Variants in ART4 observed in about 807,000 individuals in gnomAD.
ART4 encodes the protein ADP-ribosyltransferase 4 (inactive) (Dombrock blood group).
ART4 carries 14 observed loss-of-function variants against 24.2 expected under a neutral mutation model. That is an observed-to-expected ratio of 0.58 (90% CI 0.38 to 0.90). ART4 has a LOEUF of 0.90. Among genes scored for constraint, ART4 ranks in the 40% least tolerant of loss-of-function variants. ART4 has a pLI of 0.00. For missense variants in ART4, 356 were observed against 366.6 expected, an observed-to-expected ratio of 0.97 and a Z score of 0.24; for synonymous variants, 145 against 139.9, an observed-to-expected ratio of 1.04 and a Z score of -0.26.
In ART4 at chr12:14,841,041, T is replaced by A; in HGVS notation, c.257A>T (p.Asp86Val). The change falls in exon 2 of 3, where the codon GAC becomes GTC. Residue 86 changes from aspartate to valine, a missense_variant. Asp to Val is a radical substitution (Grantham distance 152). Transcript: ENST00000228936. ...KLTQGDYFTK[D>V]IEAQKNYFRM... is the part of the protein sequence containing the mutation. Reference sequence around the variant, plus strand: ...AAAATAATTCTTCTGGGCTTCTATGTCTTTTGTGAAATAATCCCCTTGAGT... The same window carrying A: ...AAAATAATTCTTCTGGGCTTCTATGACTTTTGTGAAATAATCCCCTTGAGT... The A allele has an allele frequency of 1.9e-6, 3 of 1,614,232 alleles. No homozygotes were observed. The highest frequency in any genetic ancestry group is 2.5e-6 in the Non-Finnish European group (3 of 1,180,036).
chr12:14,841,708 C>T (rs945255279), intron 1 of ART4, among the ~76,000 whole-genome samples: 1 of 152,154 alleles, frequency 6.6e-6, no homozygotes, highest in African/African-American at 2.4e-5. Context: ...TATCTGTTTT[C>T]TTACTGAAAA....
At chr12:14,842,084 TGTTTATTCAC>T (rs1320368374) in intron 1 of ART4, among the ~76,000 whole-genome samples, 2 of 152,250 alleles carry the variant, frequency 1.3e-5, no homozygotes, top group African/African-American at 4.8e-5. Flanking sequence ...AACAGAATGT[TGTTTATTCAC>T]GTCTAGTGCA....
At chr12:14,829,600 AT>A in intron 2 of ART4, 138 bp from the exon 3 acceptor site, 1 of 600,636 alleles carries the variant, frequency 1.7e-6, no homozygotes, top group Non-Finnish European at 2.8e-6. Flanking sequence ...AAAACACATT[AT>A]TTTAGATTTT....
At chr12:14,830,353 T>C (rs1950385975) in intron 2 of ART4, among the ~76,000 whole-genome samples, 1 of 151,748 alleles carries the variant, frequency 6.6e-6, no homozygotes, top group Non-Finnish European at 1.5e-5. Context: ...TGGAATCTCT[T>C]TGCAGCCAGT....
At chr12:14,841,470 G>A (rs1042073742) in intron 1 of ART4, among the ~76,000 whole-genome samples, 11 of 152,180 alleles carry the variant, frequency 7.2e-5, no homozygotes, top group Non-Finnish European at 1.5e-4. Context: ...TCAAAATCTT[G>A]TAGTTTAATT....
rs144350521 is a variant in ART4 at position 14,840,941 on chromosome 12, G to C, written c.357C>G (p.His119Gln). 5 of 1,614,214 alleles carry C rather than the reference G, an allele frequency of 3.1e-6. No homozygotes were observed. In the South Asian group the frequency reaches 3.3e-5, roughly 11 times the overall value. Residue 119 changes from histidine to glutamine, a missense_variant, in exon 2 of 3, where the codon CAC becomes CAG. Transcript: ENST00000228936. Reference protein sequence around the residue: ...KVLPQNMTTTHAVAILFYTLN... With the variant: ...KVLPQNMTTTQAVAILFYTLN... ...ATGTATAAAACAAAATAGCCACAGC[G>C]TGTGTGGTAGTCATGTTCTGGGGTA...
Position 14,827,350 on chromosome 12 carries a change from C to T in ART4, c.*2021G>A, listed in dbSNP as rs925848857. On this transcript the variant is annotated 3_prime_UTR_variant, in exon 3 of 3. Transcript: ENST00000228936. ...CTCTACTAGGTAGCCACCAAACTGC[C>T]AAAGACCCTATCCTATGCAAGTCAC... is the stretch of plus-strand genomic sequence containing the variant. 22 of 152,178 alleles carry T rather than the reference C, an allele frequency of 1.4e-4. No homozygotes were observed. The highest frequency in any genetic ancestry group is 4.8e-4 in the African/African-American group (20 of 41,436). The allele number at this position is 152,178 out of a possible 1,614,324, so 9.4% of individuals were successfully genotyped here.
chr12:14,838,346 ATCT>A (rs2137302752), intron 2 of ART4, among the ~76,000 whole-genome samples: 1 of 152,212 alleles, frequency 6.6e-6, no homozygotes, highest in East Asian at 1.9e-4. Context: ...CTTAATATAA[ATCT>A]TCTGTAATTT....
rs1376660014 is a variant in ART4, at chr12:14,830,194, A to G, written c.854-732T>C. Among the ~76,000 whole-genome samples, 3 of 150,462 alleles carry G rather than the reference A, an allele frequency of 2.0e-5. No individual in the cohort carries two copies. The East Asian group carries it at 6.0e-4, about 30-fold the overall frequency. On this transcript the variant is annotated intron_variant, in intron 2 of 2. Coordinates refer to ENST00000228936, the MANE Select transcript of ART4 (RefSeq NM_021071.4). ...ATACACCTTTCACAGGAAATGTGGG[A>G]CAGGTTAGCAGCCAGTTAGGTGTGG...
rs145726320 is a variant in ART4 at position 14,842,909 on chromosome 12, G to C, written c.144+61C>G. On this transcript the variant is annotated intron_variant, in intron 1 of 2. Transcript: ENST00000228936. ...TTTCGGCCATTTAAAGGCTGTGGCCGGGTGAATGCTCTGTTGGAGCACTGA... is the reference window on the plus strand; with the variant it reads ...TTTCGGCCATTTAAAGGCTGTGGCCCGGTGAATGCTCTGTTGGAGCACTGA... 3.7e-3 allele frequency: 5,643 copies of C among 1,527,140 alleles called. 131 individuals are homozygous for C. The South Asian group carries it at 0.039, about 11-fold the overall frequency. 94.6% of individuals were successfully genotyped at this position (1,527,140 alleles called of 1,614,324 possible). A position where few individuals can be genotyped will look rare whatever the true frequency, so the allele number is the denominator to read the frequency against.
At position 14,843,370 on chromosome 12, in the gene ART4, C is replaced by A; in HGVS notation, c.-257G>T. ...CAAATAAGGGTTTCTAAAGAGAACC[C>A]AAGTTACTTTTCAATTAAAAAAATA... On this transcript the variant is annotated 5_prime_UTR_variant, in exon 1 of 3. Transcript: ENST00000228936. 1 of 358,198 alleles carries A rather than the reference C, an allele frequency of 2.8e-6. No homozygotes were observed. Among genetic ancestry groups the A allele is most frequent in the Non-Finnish European group, 5.2e-6 (1 of 192,920 alleles). 22.2% of individuals were successfully genotyped at this position (358,198 alleles called of 1,614,324 possible). A position where few individuals can be genotyped will look rare whatever the true frequency, so the allele number is the denominator to read the frequency against.
At chr12:14,832,052 C>A (rs983645790) in intron 2 of ART4, among the ~76,000 whole-genome samples, 2 of 152,032 alleles carry the variant, frequency 1.3e-5, no homozygotes, top group Non-Finnish European at 2.9e-5. Flanking sequence ...ATTGAAATAG[C>A]CCCCTACTTG....
intron 2 of ART4, among the ~76,000 whole-genome samples, chr12:14,839,141 ACTT>A (rs1317405283): frequency 6.6e-6 from 1 of 152,136 alleles, no homozygotes; most frequent in East Asian, 1.9e-4. Context: ...ACTTCTAATT[ACTT>A]CTTATTACCT....
intron 2 of ART4, among the ~76,000 whole-genome samples, chr12:14,830,067 T>C (rs80122014): frequency 1.3e-5 from 2 of 151,928 alleles, no homozygotes; most frequent in East Asian, 3.9e-4. Flanking sequence ...TGTCCATCCA[T>C]AGAATTTTTC....
chr12:14,834,846 C>A (rs1339717589), intron 2 of ART4, among the ~76,000 whole-genome samples: 2 of 152,162 alleles, frequency 1.3e-5, no homozygotes, highest in Non-Finnish European at 1.5e-5. Context: ...ACAATTTTTC[C>A]TTTTGCAAAT....
Position 14,840,531 on chromosome 12 carries a change from A to G in ART4, c.767T>C (p.Ile256Thr), listed in dbSNP as rs1950460511. 6.2e-7 allele frequency: 1 copy of G among 1,614,178 alleles called. No homozygotes were observed. The highest frequency in any genetic ancestry group is 8.5e-7 in the Non-Finnish European group (1 of 1,180,026). Reference sequence around the variant, plus strand: ...TCCTCTTGGGTGGTAGCTCATATTTATAACTTTAAACAGCTCATAGGGAGG... The same window carrying G: ...TCCTCTTGGGTGGTAGCTCATATTTGTAACTTTAAACAGCTCATAGGGAGG... ...LIPPYELFKV[I>T]NMSYHPRGDW... The change falls in exon 2 of 3, where the codon ATA becomes ACA. Residue 256 changes from isoleucine to threonine, a missense_variant. Ile to Thr is a moderately conservative substitution (Grantham distance 89, BLOSUM62 -1). Transcript: ENST00000228936.
At chr12:14,838,545 C>A (rs1274959311) in intron 2 of ART4, among the ~76,000 whole-genome samples, 2 of 152,122 alleles carry the variant, frequency 1.3e-5, no homozygotes, top group Admixed American at 6.5e-5. Context: ...TATAGTTTTT[C>A]ATCCTCTACA....
intron 2 of ART4, among the ~76,000 whole-genome samples, chr12:14,837,845 A>G (rs1950441382): frequency 1.3e-5 from 2 of 152,156 alleles, no homozygotes; most frequent in Admixed American, 6.6e-5. Flanking sequence ...CATTTTCACA[A>G]AAGTCTTCTG....
At chr12:14,830,680 TATA>T (rs1229179953) in intron 2 of ART4, among the ~76,000 whole-genome samples, 1 of 112,886 alleles carries the variant, frequency 8.9e-6, no homozygotes, top group East Asian at 2.7e-4. Flanking sequence ...TATATATATA[TATA>T]TATATATATA....
Sources: allele counts gnomAD v4.1 joint callset (sites outside exome capture counted in the v4.1 genomes callset), GRCh38; gene constraint gnomAD v4.1.1; transcripts MANE v1.5; gene names NCBI Gene and HGNC (gene_info 2026-07-23, HGNC 2026-07-21).